Variants in ZFHX2 observed in about 807,000 individuals in gnomAD.
ZFHX2 encodes the protein zinc finger homeobox protein 2.
A neutral mutation model predicts 164.8 loss-of-function variants in ZFHX2; 75 were observed. That is an observed-to-expected ratio of 0.46 (90% CI 0.38 to 0.55). The LOEUF (loss-of-function observed/expected upper bound fraction) is 0.55, where lower values mean the gene tolerates loss of function less well. Ranked by LOEUF, ZFHX2 falls within the 20% of genes least tolerant of loss-of-function variation. The pLI is 0.00. For missense variants in ZFHX2, 2,933 were observed against 3,308.0 expected, an observed-to-expected ratio of 0.89 and a Z score of 2.78; for synonymous variants, 1,217 against 1,351.4, an observed-to-expected ratio of 0.90 and a Z score of 2.18.
At chr14:23,530,267 G>T in intron 4 of ZFHX2, 73 bp from the exon 5 acceptor site, 1 of 1,139,968 alleles carries the variant, frequency 8.8e-7, no homozygotes, top group Non-Finnish European at 1.3e-6. Flanking sequence ...GACAGAGGAA[G>T]CAGGACAAGC....
chr14:23,548,895 C>T (rs1248384333), intron 1 of ZFHX2, among the ~76,000 whole-genome samples: 1 of 152,200 alleles, frequency 6.6e-6, no homozygotes, highest in Non-Finnish European at 1.5e-5. Context: ...ACGCTGTGTC[C>T]TCCTCACACC....
intron 8 of ZFHX2, 28 bp downstream of exon 8, chr14:23,526,819 T>A (rs1165108368): frequency 6.6e-7 from 1 of 1,523,722 alleles, no homozygotes; most frequent in South Asian, 1.2e-5. Flanking sequence ...TCCTGGTACC[T>A]TGGGAGGTTT....
At position 23,521,921 on chromosome 14, in the gene ZFHX2, A is replaced by T; in HGVS notation, c.*41T>A. ...GAACACCCCTTGGGGTAAAAGAGGG[A>T]GCCCTGAGGCCCTCCCCTCTCCCCA... On this transcript the variant is annotated 3_prime_UTR_variant, in exon 10 of 10. Coordinates refer to ENST00000419474, the MANE Select transcript of ZFHX2 (RefSeq NM_033400.3). The T allele has an allele frequency of 1.3e-6, 2 of 1,533,562 alleles. No individual in the cohort carries two copies. The highest frequency in any genetic ancestry group is 1.7e-6 in the Non-Finnish European group (2 of 1,146,116). The allele number at this position is 1,533,562 out of a possible 1,614,324, so 95.0% of individuals were successfully genotyped here. A position where few individuals can be genotyped will look rare whatever the true frequency, so the allele number is the denominator to read the frequency against.
Position 23,523,810 on chromosome 14 carries a change from A to G in ZFHX2, c.6132T>C (p.Pro2044=). 6.5e-7 allele frequency: 1 copy of G among 1,536,164 alleles called. No individual in the cohort carries two copies. The highest frequency in any genetic ancestry group is 2.4e-5 in the East Asian group (1 of 40,900). The change falls in exon 9 of 10, where the codon CCT becomes CCC. Residue 2044 remains proline, a synonymous_variant. Transcript: ENST00000419474. The surrounding 1 kb of genome is among the most constrained non-coding windows in gnomAD (Gnocchi z 4.1). ...GTCCCCCACTGGTCCCTCCAGCCCC[A>G]GGGGATTCTGGTTCAGCTAGGCTGG... ...SASSLAEPES[P]GAGGTSGGPG... is the part of the protein sequence containing the mutation.
At position 23,525,017 on chromosome 14, in the gene ZFHX2, C is replaced by A. The variant is rs193004630; in HGVS notation, c.4925G>T (p.Trp1642Leu). ...LGLASRVVVVWFQNARQKARK... is the reference protein window; with the variant it reads ...LGLASRVVVVLFQNARQKARK... Reference sequence around the variant, plus strand: ...TGCTTTCTGGCGGGCATTCTGGAACCACACCACCACCACACGGCTAGCCAG... The same window carrying A: ...TGCTTTCTGGCGGGCATTCTGGAACAACACCACCACCACACGGCTAGCCAG... Residue 1642 changes from tryptophan (W) to leucine (L), a missense_variant, in exon 9 of 10, where the codon TGG becomes TTG. Trp to Leu is a moderately conservative substitution (Grantham distance 61, BLOSUM62 -2). Coordinates refer to ENST00000419474, the MANE Select transcript of ZFHX2 (RefSeq NM_033400.3). The surrounding 1 kb of genome is among the most constrained non-coding windows in gnomAD (Gnocchi z 5.9). 6.5e-7 allele frequency: 1 copy of A among 1,536,200 alleles called. No individual in the cohort carries two copies. The highest frequency in any genetic ancestry group is 2.4e-5 in the East Asian group (1 of 40,896).
Position 23,534,148 on chromosome 14 carries a change from G to C in ZFHX2, c.1178C>G (p.Ser393Ter). Residue 393 changes from serine to a stop codon, truncating the protein, a stop_gained, in exon 2 of 10, where the codon TCA becomes TGA. Transcript: ENST00000419474. LOFTEE classifies it high-confidence loss of function. This position sits in a 1 kb window ranked among gnomAD's most constrained non-coding sequence, Gnocchi z 4.5. The stretch of plus-strand genomic sequence containing the variant: ...AGTGCCCCCCTCCTTGGAGGTGGGT[G>C]AGCTTTGGTTGAGTGGGGGGCAGAG... Reference protein sequence around the residue: ...GGLCPPLNQSSPTSKEGGTLP... With the variant: ...GGLCPPLNQS The C allele has an allele frequency of 6.8e-7, 1 of 1,473,382 alleles. No individual in the cohort carries two copies. The highest frequency in any genetic ancestry group is 1.4e-5 in the South Asian group (1 of 73,120). 91.3% of individuals were successfully genotyped at this position (1,473,382 alleles called of 1,614,324 possible). A position where few individuals can be genotyped will look rare whatever the true frequency, so the allele number is the denominator to read the frequency against.
In ZFHX2 at chr14:23,544,798, A is replaced by G. The variant is rs550658670; in HGVS notation, c.-50+6545T>C. Among the ~76,000 whole-genome samples the G allele has an allele frequency of 1.2e-4, 18 of 152,262 alleles. No homozygotes were observed. In the East Asian group the frequency reaches 3.5e-3, roughly 29 times the overall value. The stretch of plus-strand genomic sequence containing the variant: ...CCCGCCCACTGGCCCTGCCAGCTGC[A>G]GCTTTTGCAGCCCTGGCCACGTTCT... On this transcript the variant is annotated intron_variant, in intron 1 of 9. Coordinates refer to ENST00000419474, the MANE Select transcript of ZFHX2 (RefSeq NM_033400.3).
chr14:23,525,472 G>A lies in ZFHX2; in HGVS notation c.4470C>T (p.Ser1490=). The change falls in exon 9 of 10, where the codon TCC becomes TCT. Residue 1490 remains serine, a synonymous_variant. Transcript: ENST00000419474. The surrounding 1 kb of genome is among the most constrained non-coding windows in gnomAD (Gnocchi z 5.9). ...CGTGTGTCTTGAGGATAAGCATATT[G>A]GAGAAGAGTTTCCCACAGGCCCCAC... ...LACGACGKLF[S]NMLILKTHEE... 1 of 1,536,080 alleles carries A rather than the reference G, an allele frequency of 6.5e-7. No homozygotes were observed. The highest frequency in any genetic ancestry group is 2.0e-5 in the Admixed American group (1 of 51,002).
chr14:23,531,754 A>C (rs1004282844), intron 3 of ZFHX2, 33 bp from the exon 4 acceptor site: 98 of 1,306,832 alleles, frequency 7.5e-5, no homozygotes, highest in Admixed American at 2.8e-4. Context: ...GCTCAGGCCC[A>C]GAAGGGACAT....
Position 23,533,263 on chromosome 14 carries a change from G to C in ZFHX2, c.2041+22C>G, listed in dbSNP as rs1566584590. The stretch of plus-strand genomic sequence containing the variant: ...GTTTGGCCCTGGGGAGGAGAGAAGA[G>C]GGAAGAAGCACAGAAGCTTACCGGA... On this transcript the variant is annotated intron_variant, in intron 2 of 9. Transcript: ENST00000419474. The surrounding 1 kb of genome is among the most constrained non-coding windows in gnomAD (Gnocchi z 4.8). 1 of 1,436,386 alleles carries C rather than the reference G, an allele frequency of 7.0e-7. No homozygotes were observed. The highest frequency in any genetic ancestry group is 9.1e-7 in the Non-Finnish European group (1 of 1,099,822). 89.0% of individuals were successfully genotyped at this position (1,436,386 alleles called of 1,614,324 possible).
At position 23,522,390 on chromosome 14, in the gene ZFHX2, C is replaced by T. The variant is rs775639545; in HGVS notation, c.7291G>A (p.Glu2431Lys). 6.5e-7 allele frequency: 1 copy of T among 1,536,318 alleles called. No homozygotes were observed. Among genetic ancestry groups the T allele is most frequent in the South Asian group, 1.2e-5 (1 of 84,066 alleles). The change falls in exon 10 of 10, where the codon GAG (glutamate) becomes AAG (lysine). Residue 2431 changes from glutamate (E) to lysine (K), a missense_variant. By Grantham distance (56) the Glu-to-Lys change is moderately conservative. Transcript: ENST00000419474. ...CTGCCTGTCAGCAGCTCATCAACCT[C>T]ACCAGCTTCCCCCTCCCCTGGAGCA... The part of the protein sequence containing the change: ...LPAPGEGEAG[E>K]VDELLTGSTG...
At position 23,524,697 on chromosome 14, in the gene ZFHX2, C is replaced by T. The variant is rs1271437712; in HGVS notation, c.5245G>A (p.Ala1749Thr). Residue 1749 changes from alanine to threonine, a missense_variant, in exon 9 of 10, where the codon GCA becomes ACA. Physicochemically the swap from Ala to Thr is moderately conservative, Grantham distance 58 (BLOSUM62 0). Transcript: ENST00000419474. This position sits in a 1 kb window ranked among gnomAD's most constrained non-coding sequence, Gnocchi z 5.6. ...GGCTCTTTGCCTCCTGCCTTTGTTG[C>T]CTCTGCTTGGCTCAGCTCCTCCCCA... ...PDGEELSQAEATKAGGKEPEE... is the reference protein window; with the variant it reads ...PDGEELSQAETTKAGGKEPEE... 4.6e-6 allele frequency: 7 copies of T among 1,536,238 alleles called. No homozygotes were observed. The highest frequency in any genetic ancestry group is 6.1e-6 in the Non-Finnish European group (7 of 1,146,912).
chr14:23,547,453 C>T (rs1881508095), intron 1 of ZFHX2, among the ~76,000 whole-genome samples: 1 of 152,186 alleles, frequency 6.6e-6, no homozygotes. Flanking sequence ...TCTTTGGAAA[C>T]AACTCTCAAC....
intron 1 of ZFHX2, among the ~76,000 whole-genome samples, chr14:23,549,410 G>T (rs1881735496): frequency 6.6e-6 from 1 of 152,072 alleles, no homozygotes; most frequent in South Asian, 2.1e-4. Flanking sequence ...CCTGAGGTTT[G>T]GAAAAACAAT....
intron 4 of ZFHX2, chr14:23,530,405 G>C (rs1165162843): frequency 4.4e-6 from 3 of 680,178 alleles, no homozygotes; most frequent in Non-Finnish European, 2.6e-6. Flanking sequence ...TAGGGCCTAA[G>C]AGATCATTTT....
rs1441650655 is a variant in ZFHX2 at position 23,531,519 on chromosome 14, C to T, written c.2762G>A (p.Ser921Asn). The change falls in exon 4 of 10, where the codon AGC becomes AAC. Residue 921 changes from serine (S) to asparagine (N), a missense_variant. Transcript: ENST00000419474. Reference sequence around the variant, plus strand: ...CTGCCCGTGGCTGAAGCTCAGGATGCTCTGAAGAGCTGCGAGTCCTTCCTC... The same window carrying T: ...CTGCCCGTGGCTGAAGCTCAGGATGTTCTGAAGAGCTGCGAGTCCTTCCTC... ...TTEEGLAALQ[S>N]ILSFSHGQLR... is the part of the protein sequence containing the mutation. 6.7e-7 allele frequency: 1 copy of T among 1,488,494 alleles called. No homozygotes were observed. Among genetic ancestry groups the T allele is most frequent in the Admixed American group, 2.1e-5 (1 of 47,528 alleles). The allele number at this position is 1,488,494 out of a possible 1,614,324, so 92.2% of individuals were successfully genotyped here.
rs1354527693 is a variant in ZFHX2 at position 23,532,679 on chromosome 14, A to G, written c.2447T>C (p.Val816Ala). 1.3e-6 allele frequency: 2 copies of G among 1,521,734 alleles called. No individual in the cohort carries two copies. The highest frequency in any genetic ancestry group is 2.7e-5 in the African/African-American group (2 of 72,958). The allele number at this position is 1,521,734 out of a possible 1,614,324, so 94.3% of individuals were successfully genotyped here. ...GTTGCAGCGCAGGTGTAGTGGGGAG[A>G]CAGACCCATAAGGAGCCCCATCTCC... Reference protein sequence around the residue: ...SLGDGAPYGSVSPLHLRCNIC... With the variant: ...SLGDGAPYGSASPLHLRCNIC... Residue 816 changes from valine (V) to alanine (A), a missense_variant, in exon 3 of 10, where the codon GTC (valine) becomes GCC (alanine). Coordinates refer to ENST00000419474, the MANE Select transcript of ZFHX2 (RefSeq NM_033400.3).
rs539966475 is a variant in ZFHX2 at position 23,539,314 on chromosome 14, A to C, written c.-49-3940T>G. On this transcript the variant is annotated intron_variant, in intron 1 of 9. Coordinates refer to ENST00000419474, the MANE Select transcript of ZFHX2 (RefSeq NM_033400.3). ...TGCTACTTTCAAGGCTCAGCCAGGG[A>C]GTTAATGCCCTACAAACAAAAAAAT... Among the ~76,000 whole-genome samples, 8 of 152,282 alleles carry C rather than the reference A, an allele frequency of 5.3e-5. 1 individual carries two copies. The South Asian group carries it at 1.7e-3, about 32-fold the overall frequency.
In ZFHX2 at chr14:23,533,625, T is replaced by A; in HGVS notation, c.1701A>T (p.Ser567=). ...AGCTGCACACCTTGCACTGCCAGGATGATTTGGTCTTAGGCTCTTTGTCTC... is the reference window on the plus strand; with the variant it reads ...AGCTGCACACCTTGCACTGCCAGGAAGATTTGGTCTTAGGCTCTTTGTCTC... ...SAGDKEPKTK[S]SWQCKVCSYE... Residue 567 remains serine (S), a synonymous_variant, in exon 2 of 10, where the codon TCA becomes TCT. Coordinates refer to ENST00000419474, the MANE Select transcript of ZFHX2 (RefSeq NM_033400.3). This position sits in a 1 kb window ranked among gnomAD's most constrained non-coding sequence, Gnocchi z 4.8. 6.5e-7 allele frequency: 1 copy of A among 1,536,818 alleles called. No homozygotes were observed. The highest frequency in any genetic ancestry group is 8.7e-7 in the Non-Finnish European group (1 of 1,147,036).
Sources: allele counts gnomAD v4.1 joint callset (sites outside exome capture counted in the v4.1 genomes callset), GRCh38; gene constraint gnomAD v4.1.1; non-coding constraint Gnocchi (gnomAD v3.1); transcripts MANE v1.5; gene names NCBI Gene and HGNC (gene_info 2026-07-23, HGNC 2026-07-21).